The following AP4S1 variants were observed in gnomAD, a reference collection of about 807,000 sequenced individuals.
AP4S1 encodes AP-4 complex subunit sigma-1.
AP4S1 carries 23 observed loss-of-function variants against 19.8 expected under a neutral mutation model. The ratio of observed to expected loss-of-function variants is 1.16; its 90% CI spans 0.84 to 1.65. The LOEUF (loss-of-function observed/expected upper bound fraction) is 1.65. Ranked by LOEUF, AP4S1 falls within the 40% of genes most tolerant of loss-of-function variation. AP4S1 has a pLI of 0.00. For synonymous variants in AP4S1, 46 were observed against 54.1 expected, an observed-to-expected ratio of 0.85 and a Z score of 0.66; for missense variants, 166 against 172.8, an observed-to-expected ratio of 0.96 and a Z score of 0.22.
chr14:31,076,013 G>A (rs1273792920), intron 4 of AP4S1, among the ~76,000 whole-genome samples: 1 of 152,178 alleles, frequency 6.6e-6, no homozygotes, highest in Non-Finnish European at 1.5e-5. Context: ...TGGGATTACA[G>A]GCGTGAGCCG....
chr14:31,051,833 G>A (rs1252194680), intron 1 of AP4S1, among the ~76,000 whole-genome samples: 1 of 152,036 alleles, frequency 6.6e-6, no homozygotes, highest in Non-Finnish European at 1.5e-5. Context: ...GCTAATTTTT[G>A]TATTTTTAGT....
chr14:31,062,507 C>T (rs756407479), intron 1 of AP4S1, among the ~76,000 whole-genome samples: 2 of 152,214 alleles, frequency 1.3e-5, no homozygotes, highest in African/African-American at 2.4e-5. Context: ...GGTTCTTTTG[C>T]AGCATTTAAG....
At chr14:31,031,850 T>G (rs1215668033) in intron 1 of AP4S1, among the ~76,000 whole-genome samples, 1 of 152,168 alleles carries the variant, frequency 6.6e-6, no homozygotes, top group African/African-American at 2.4e-5. Context: ...TGCCCATAGA[T>G]TCTCCCAGTT....
intron 1 of AP4S1, among the ~76,000 whole-genome samples, chr14:31,047,667 C>G (rs921780038): frequency 6.6e-6 from 1 of 151,934 alleles, no homozygotes; most frequent in Non-Finnish European, 1.5e-5. Context: ...AGCGCTGGGA[C>G]TACAGGCGTG....
At chr14:31,048,763 G>A (rs1463710700) in intron 1 of AP4S1, among the ~76,000 whole-genome samples, 2 of 151,982 alleles carry the variant, frequency 1.3e-5, no homozygotes, top group African/African-American at 2.4e-5. Context: ...ATCTAGCCAC[G>A]TGCTGGTAAG....
At chr14:31,077,091 G>C (rs1052260497) in intron 4 of AP4S1, among the ~76,000 whole-genome samples, 1 of 151,888 alleles carries the variant, frequency 6.6e-6, no homozygotes, top group Non-Finnish European at 1.5e-5. Context: ...CACCACGCCT[G>C]GCTAATTTTT....
intron 2 of AP4S1, among the ~76,000 whole-genome samples, chr14:31,067,293 T>C (rs534103176): frequency 4.9e-4 from 74 of 151,994 alleles, no homozygotes; most frequent in Non-Finnish European, 9.1e-4. Flanking sequence ...TTATTATACT[T>C]TTAAGTTCTA....
At chr14:31,047,928 C>T (rs1566519475) in intron 1 of AP4S1, among the ~76,000 whole-genome samples, 3 of 152,116 alleles carry the variant, frequency 2.0e-5, no homozygotes, top group South Asian at 4.1e-4. Context: ...TCGCTCACCT[C>T]GGCCTCCCAA....
rs562763004 is a variant in AP4S1 at position 31,046,057 on chromosome 14, C to T, written c.-71-20069C>T. On this transcript the variant is annotated intron_variant, in intron 1 of 5. Coordinates refer to ENST00000542754, the MANE Select transcript of AP4S1 (RefSeq NM_001128126.3). ...TCTCGGCTCACTGCAACCTCCGCCT[C>T]CCAGGTTCAAGCAATTCTCCTGCCT... 1.9e-4 allele frequency among the ~76,000 whole-genome samples: 29 copies of T among 151,676 alleles called. 1 individual carries two copies. In the South Asian group the frequency reaches 5.6e-3, roughly 29 times the overall value.
chr14:31,060,656 A>G (rs1332861928), intron 1 of AP4S1, among the ~76,000 whole-genome samples: 1 of 152,224 alleles, frequency 6.6e-6, no homozygotes, highest in Non-Finnish European at 1.5e-5. Context: ...TGCTGGTTTC[A>G]GCTTGACTTA....
At chr14:31,088,793 G>C (rs1047421137) in intron 5 of AP4S1, among the ~76,000 whole-genome samples, 2 of 119,052 alleles carry the variant, frequency 1.7e-5, no homozygotes, top group African/African-American at 6.7e-5. Context: ...GGGCAACAGA[G>C]TAAGACTCCA....
intron 1 of AP4S1, among the ~76,000 whole-genome samples, chr14:31,039,814 C>T (rs1169817035): frequency 6.6e-6 from 1 of 151,774 alleles, no homozygotes; most frequent in Non-Finnish European, 1.5e-5. Flanking sequence ...TGGTCTCGAT[C>T]TCCTGACCTC....
chr14:31,036,957 C>T (rs1185012885), intron 1 of AP4S1, among the ~76,000 whole-genome samples: 6 of 152,186 alleles, frequency 3.9e-5, no homozygotes, highest in Middle Eastern at 3.4e-3. Context: ...GAACTAGAGG[C>T]GCATGCCACT....
At chr14:31,066,503 C>T (rs563467593) in intron 2 of AP4S1, among the ~76,000 whole-genome samples, 169 bp downstream of exon 2, 1 of 152,296 alleles carries the variant, frequency 6.6e-6, no homozygotes, top group South Asian at 2.1e-4. Flanking sequence ...GCTCTCTTTA[C>T]ATCCCTTTAA....
At chr14:31,062,535 A>C (rs1158771590) in intron 1 of AP4S1, among the ~76,000 whole-genome samples, 2 of 152,142 alleles carry the variant, frequency 1.3e-5, no homozygotes, top group Non-Finnish European at 2.9e-5. Flanking sequence ...CTCCTTGCAC[A>C]TTTTTCTGTA....
chr14:31,026,353 G>T (rs1014880319), intron 1 of AP4S1: 2 of 452,166 alleles, frequency 4.4e-6, no homozygotes, highest in Non-Finnish European at 6.6e-6. Flanking sequence ...GCTGCCGGCT[G>T]CCGCCATTAC....
chr14:31,070,464 C>T (rs1039927546), intron 3 of AP4S1, among the ~76,000 whole-genome samples: 3 of 151,998 alleles, frequency 2.0e-5, no homozygotes, highest in Admixed American at 2.0e-4. Flanking sequence ...CCCAGGTTGG[C>T]CTAGAACTCC....
At chr14:31,025,814 G>C in intron 1 of AP4S1, 27 bp downstream of exon 1, 1 of 1,515,718 alleles carries the variant, frequency 6.6e-7, no homozygotes, top group Non-Finnish European at 8.8e-7. Context: ...CTCCCAAGGC[G>C]CCGGCTCCGG....
chr14:31,070,893 A>G (rs1038843736), intron 3 of AP4S1, among the ~76,000 whole-genome samples: 2 of 152,180 alleles, frequency 1.3e-5, no homozygotes, highest in Non-Finnish European at 2.9e-5. Context: ...TCTACTAAAA[A>G]TACAAAAAAT....
Sources: gnomAD v4.1 joint callset for allele counts (sites outside exome capture counted in the v4.1 genomes callset) on GRCh38, gnomAD v4.1.1 for gene constraint, MANE v1.5 for transcripts, NCBI Gene and HGNC (gene_info 2026-07-23, HGNC 2026-07-21) for gene names.